The following ADAM22 variants were observed in gnomAD, a reference collection of about 807,000 sequenced individuals.
ADAM22 encodes disintegrin and metalloproteinase domain-containing protein 22.
In ADAM22, 65 loss-of-function variants were observed where a neutral mutation model predicts 144.6. The observed-to-expected ratio is 0.45, with a 90% CI of 0.37 to 0.55. The LOEUF (loss-of-function observed/expected upper bound fraction) is 0.55. Among genes scored for constraint, ADAM22 ranks in the 20% least tolerant of loss-of-function variants. The pLI, the probability that ADAM22 is intolerant of heterozygous loss-of-function variation, is 0.00. For synonymous variants in ADAM22, 391 were observed against 412.6 expected (o/e 0.95, Z 0.63); for missense variants, 974 against 1,184.9 (o/e 0.82, Z 2.61).
chr7:88,161,303 A>G (rs764153254), intron 22 of ADAM22, among the ~76,000 whole-genome samples: 34 of 152,050 alleles, frequency 2.2e-4, no homozygotes, highest in Non-Finnish European at 4.1e-4. Flanking sequence ...TTCTTACACC[A>G]TATACAAAAA....
intron 2 of ADAM22, among the ~76,000 whole-genome samples, chr7:87,977,568 T>C (rs1852196247): frequency 6.6e-6 from 1 of 152,212 alleles, no homozygotes; most frequent in Admixed American, 6.5e-5. Context: ...ACTGTTCATA[T>C]TTGGTGAGTC....
At chr7:88,177,951 A>G (rs1297312836) in intron 26 of ADAM22, among the ~76,000 whole-genome samples, 1 of 152,168 alleles carries the variant, frequency 6.6e-6, no homozygotes, top group Admixed American at 6.5e-5. Flanking sequence ...ACCTCCAACA[A>G]TAGTACTGAA....
At position 88,145,129 on chromosome 7, in the gene ADAM22, T is replaced by G. The variant is rs929775583; in HGVS notation, c.1325T>G (p.Leu442Arg). 6.2e-7 allele frequency: 1 copy of G among 1,613,234 alleles called. No individual in the cohort carries two copies. The change falls in exon 16 of 32, where the codon CTT becomes CGT. Residue 442 changes from leucine (L) to arginine (R), a missense_variant. Around this residue, in one of 2 missense-constraint regions of ADAM22, gnomAD observed 734 missense variants for 950.6 expected, o/e 0.77. Transcript: ENST00000413139. ...ACLFNKPSKL[L>R]DPPECGNGFI... The stretch of plus-strand genomic sequence containing the variant: ...ACTTTTTGGTTTTCCTCACAGCTTC[T>G]TGATCCTCCTGAGTGTGGCAATGGC...
At position 88,153,243 on chromosome 7, in the gene ADAM22, T is replaced by C. The variant is rs1838982453; in HGVS notation, c.1704T>C (p.Tyr568=). 2.5e-6 allele frequency: 4 copies of C among 1,613,274 alleles called. No homozygotes were observed. The highest frequency in any genetic ancestry group is 1.3e-5 in the African/African-American group (1 of 74,876). Reference sequence around the variant, plus strand: ...TAGAGGTGACAGCATCAGACAAATATTGCTATGAGAAACTGAATATTGAAG... The same window carrying C: ...TAGAGGTGACAGCATCAGACAAATACTGCTATGAGAAACTGAATATTGAAG... ...WGQKVTASDK[Y]CYEKLNIEGT... is the part of the protein sequence containing the mutation. Residue 568 remains tyrosine (Y), a synonymous_variant, in exon 21 of 32, where the codon TAT becomes TAC. Transcript: ENST00000413139.
chr7:88,025,720 G>A (rs1470268637), intron 3 of ADAM22, among the ~76,000 whole-genome samples: 1 of 152,010 alleles, frequency 6.6e-6, no homozygotes, highest in Non-Finnish European at 1.5e-5. Context: ...TTTTACATTG[G>A]TCTATTTGTC....
intron 3 of ADAM22, among the ~76,000 whole-genome samples, chr7:88,009,297 T>C (rs1563013057): frequency 6.6e-6 from 1 of 152,238 alleles, no homozygotes; most frequent in Non-Finnish European, 1.5e-5. Flanking sequence ...TTAAATTTTC[T>C]GGTATGCTCG....
chr7:88,073,206 T>A (rs1394448525), intron 3 of ADAM22, among the ~76,000 whole-genome samples: 2 of 152,220 alleles, frequency 1.3e-5, no homozygotes, highest in Non-Finnish European at 2.9e-5. Context: ...TGGCAGAAGA[T>A]ACTTGAGAAG....
intron 15 of ADAM22, 87 bp from the exon 16 acceptor site, chr7:88,145,038 T>C: frequency 9.7e-7 from 1 of 1,031,020 alleles, no homozygotes; most frequent in Non-Finnish European, 1.4e-6. Flanking sequence ...GCAGGGCAGG[T>C]ATATTTGGGT....
At chr7:88,060,909 G>C (rs1239957876) in intron 3 of ADAM22, among the ~76,000 whole-genome samples, 1 of 152,042 alleles carries the variant, frequency 6.6e-6, no homozygotes, top group Non-Finnish European at 1.5e-5. Context: ...TTCGAGACCA[G>C]CCTGGCCAAC....
At chr7:88,185,233 T>G (rs962599244) in intron 29 of ADAM22, among the ~76,000 whole-genome samples, 1 of 152,198 alleles carries the variant, frequency 6.6e-6, no homozygotes, top group African/African-American at 2.4e-5. Flanking sequence ...GGAGATACTA[T>G]CTTACCAAAA....
intron 2 of ADAM22, among the ~76,000 whole-genome samples, chr7:87,949,135 C>T (rs1173317689): frequency 6.6e-6 from 1 of 152,220 alleles, no homozygotes; most frequent in African/African-American, 2.4e-5. Context: ...CTTTCCTCCT[C>T]TTCCTGCACT....
At position 88,168,199 on chromosome 7, in the gene ADAM22, A is replaced by G; in HGVS notation, c.2254A>G (p.Ile752Val). Residue 752 changes from isoleucine (I) to valine (V), a missense_variant, in exon 25 of 32, where the codon ATA becomes GTA. Around this residue, in one of 2 missense-constraint regions of ADAM22, gnomAD observed 734 missense variants for 950.6 expected, o/e 0.77. Coordinates refer to ENST00000413139, the MANE Select transcript of ADAM22 (RefSeq NM_001324418.2). Reference protein sequence around the residue: ...IAGTILVLALILGITAWGYKN... With the variant: ...IAGTILVLALVLGITAWGYKN... ...TGGCACCATTTTAGTGCTGGCCCTCATATTAGGAATAACTGCGTGGGGTTA... is the reference window on the plus strand; with the variant it reads ...TGGCACCATTTTAGTGCTGGCCCTCGTATTAGGAATAACTGCGTGGGGTTA... 1.9e-6 allele frequency: 3 copies of G among 1,613,074 alleles called. No individual in the cohort carries two copies. The highest frequency in any genetic ancestry group is 2.5e-6 in the Non-Finnish European group (3 of 1,179,390).
intron 3 of ADAM22, among the ~76,000 whole-genome samples, chr7:88,006,189 A>G (rs537764427): frequency 1.3e-5 from 2 of 152,274 alleles, no homozygotes; most frequent in African/African-American, 4.8e-5. Flanking sequence ...CACTCTCCCA[A>G]TACTAAACCA....
chr7:88,107,234 C>A (rs1824667969), intron 4 of ADAM22, among the ~76,000 whole-genome samples: 3 of 109,786 alleles, frequency 2.7e-5, no homozygotes, highest in African/African-American at 7.3e-5. Flanking sequence ...GAGACAGGGT[C>A]TCTATCGCCC....
chr7:88,195,457 G>A (rs1850464091), intron 31 of ADAM22, among the ~76,000 whole-genome samples: 1 of 152,140 alleles, frequency 6.6e-6, no homozygotes, highest in Non-Finnish European at 1.5e-5. Context: ...ATCCTGCCTT[G>A]AATGTATCCT....
intron 7 of ADAM22, among the ~76,000 whole-genome samples, chr7:88,119,512 G>A (rs1828689701): frequency 6.6e-6 from 1 of 152,156 alleles, no homozygotes; most frequent in Non-Finnish European, 1.5e-5. Flanking sequence ...GGTGGGGGAT[G>A]GGGTCTTGCT....
intron 2 of ADAM22, 120 bp downstream of exon 2, chr7:87,935,306 A>T: frequency 8.8e-7 from 1 of 1,138,302 alleles, no homozygotes; most frequent in Non-Finnish European, 1.2e-6. Flanking sequence ...TTGGGTCCCG[A>T]TGCGAGTCAT....
chr7:87,950,052 A>G (rs1844660469), intron 2 of ADAM22, among the ~76,000 whole-genome samples: 1 of 152,064 alleles, frequency 6.6e-6, no homozygotes, highest in South Asian at 2.1e-4. Flanking sequence ...ATATACCAGT[A>G]GAGAACAGGC....
chr7:87,985,101 C>T (rs1040267264), intron 3 of ADAM22, among the ~76,000 whole-genome samples: 2 of 150,738 alleles, frequency 1.3e-5, no homozygotes, highest in African/African-American at 4.9e-5. Flanking sequence ...ATCACAAGGT[C>T]AGGAGATTGA....
Sources: gnomAD v4.1 joint callset for allele counts (sites outside exome capture counted in the v4.1 genomes callset) on GRCh38, gnomAD v4.1.1 for gene constraint, gnomAD v4.1.1 regional missense constraint, MANE v1.5 for transcripts, NCBI Gene and HGNC (gene_info 2026-07-23, HGNC 2026-07-21) for gene names.